Variants in PHIP observed in about 807,000 individuals in gnomAD.
The protein encoded by PHIP is PH-interacting protein.
A neutral mutation model predicts 236.8 loss-of-function variants in PHIP; 54 were observed. That is an observed-to-expected ratio of 0.23 (90% CI 0.18 to 0.29). The LOEUF (loss-of-function observed/expected upper bound fraction) is 0.29. Ranked by LOEUF, PHIP falls within the 10% of genes least tolerant of loss-of-function variation. The pLI, the probability that PHIP is intolerant of heterozygous loss-of-function variation, is 1.00. For synonymous variants in PHIP, 756 were observed against 718.9 expected (o/e 1.05, Z -0.83); for missense variants, 1,370 against 2,190.8 (o/e 0.63, Z 7.48).
rs1193927292 is a variant in PHIP at position 78,935,557 on chromosome 6, A to T, written c.*5136T>A. 2 of 966,118 alleles carry T rather than the reference A, an allele frequency of 2.1e-6. No individual in the cohort carries two copies. The highest frequency in any genetic ancestry group is 2.5e-6 in the Non-Finnish European group (2 of 812,496). The allele number at this position is 966,118 out of a possible 1,614,324, so 59.8% of individuals were successfully genotyped here. A position where few individuals can be genotyped will look rare whatever the true frequency, so the allele number is the denominator to read the frequency against. ...AATAGTGAAGTATTTATCACTCATCACAGTAACTTACGGTAAGAAATCAAT... is the reference window on the plus strand; with the variant it reads ...AATAGTGAAGTATTTATCACTCATCTCAGTAACTTACGGTAAGAAATCAAT... On this transcript the variant is annotated 3_prime_UTR_variant, in exon 40 of 40. Transcript: ENST00000275034.
chr6:79,077,515 GA>G lies in PHIP; in HGVS notation c.130-9del, dbSNP rs1250703744. The G allele has an allele frequency of 6.5e-7, 1 of 1,536,614 alleles. No homozygotes were observed. The highest frequency in any genetic ancestry group is 1.4e-5 in the African/African-American group (1 of 69,582). Reference sequence around the variant, plus strand: ...GGTGCGCCGGGGCAGCAGCTGCGGGGAGAGGACACCCCGTGAGCCCGGCCCC... The same window carrying G: ...GGTGCGCCGGGGCAGCAGCTGCGGGGGAGGACACCCCGTGAGCCCGGCCCC... On this transcript the variant is annotated splice_polypyrimidine_tract_variant and intron_variant, in intron 3 of 39. Coordinates refer to ENST00000275034, the MANE Select transcript of PHIP (RefSeq NM_017934.7).
At position 78,947,230 on chromosome 6, in the gene PHIP, C is replaced by T. The variant is rs141825110; in HGVS notation, c.4207-356G>A. On this transcript the variant is annotated intron_variant, in intron 36 of 39. Transcript: ENST00000275034. ...GACTAGCATCTATTCTTTCTCATTTCGTTGCTATATAGCACTCCTTTGTGA... is the reference window on the plus strand; with the variant it reads ...GACTAGCATCTATTCTTTCTCATTTTGTTGCTATATAGCACTCCTTTGTGA... 6.6e-4 allele frequency among the ~76,000 whole-genome samples: 101 copies of T among 152,240 alleles called. 1 individual carries two copies. In the South Asian group the frequency reaches 7.9e-3, roughly 12 times the overall value.
Position 78,958,551 on chromosome 6 carries a change from G to A in PHIP, c.3706C>T (p.Arg1236Ter), listed in dbSNP as rs1554196416. The change falls in exon 32 of 40, where the codon CGA becomes TGA. Residue 1236 changes from arginine (R) to a stop codon, truncating the protein, a stop_gained. Coordinates refer to ENST00000275034, the MANE Select transcript of PHIP (RefSeq NM_017934.7). LOFTEE classifies it high-confidence loss of function. ...GGGCTTCCAGGCTCATTAAATGTTC[G>A]TGTATTATGCTCTATATATCGAACT... ...WEVRYIEHNT[R>*]TFNEPGSPIV... is the part of the protein sequence containing the mutation. The A allele has an allele frequency of 2.5e-6, 4 of 1,577,492 alleles. No homozygotes were observed. The highest frequency in any genetic ancestry group is 3.5e-6 in the Non-Finnish European group (4 of 1,147,414).
intron 4 of PHIP, among the ~76,000 whole-genome samples, chr6:79,075,977 G>A (rs538236135): frequency 2.6e-4 from 40 of 152,270 alleles, no homozygotes; most frequent in Non-Finnish European, 4.0e-4. Context: ...AGTAAATCTT[G>A]GAGTTTACTT....
intron 17 of PHIP, among the ~76,000 whole-genome samples, chr6:79,000,934 T>C (rs1370485559): frequency 6.6e-6 from 1 of 152,012 alleles, no homozygotes; most frequent in African/African-American, 2.4e-5. Context: ...AGGAGCCCCT[T>C]CTATCCAGTA....
In PHIP at chr6:78,938,897, T is replaced by C. The variant is rs1043117189; in HGVS notation, c.*1796A>G. On this transcript the variant is annotated 3_prime_UTR_variant, in exon 40 of 40. Coordinates refer to ENST00000275034, the MANE Select transcript of PHIP (RefSeq NM_017934.7). ...ACAGTTAAATGACAGCTAATATTTA[T>C]CCTTATCAGAAATAATTATGTAATG... 6.6e-6 allele frequency: 1 copy of C among 151,674 alleles called. No individual in the cohort carries two copies. Among genetic ancestry groups the C allele is most frequent in the African/African-American group, 2.4e-5 (1 of 41,416 alleles). The allele number at this position is 151,674 out of a possible 1,614,324, so 9.4% of individuals were successfully genotyped here. A position where few individuals can be genotyped will look rare whatever the true frequency, so the allele number is the denominator to read the frequency against.
chr6:78,942,854 C>G (rs1159228785), intron 39 of PHIP, among the ~76,000 whole-genome samples: 2 of 152,054 alleles, frequency 1.3e-5, no homozygotes, highest in Non-Finnish European at 2.9e-5. Flanking sequence ...GAGACAGGGA[C>G]TATAGGACTC....
At chr6:78,975,150 C>A (rs1582146707) in intron 24 of PHIP, among the ~76,000 whole-genome samples, 1 of 151,768 alleles carries the variant, frequency 6.6e-6, no homozygotes, top group South Asian at 2.1e-4. Context: ...CCGAATCCAG[C>A]AGCACATCAA....
At chr6:79,063,379 T>C (rs1386908830) in intron 4 of PHIP, among the ~76,000 whole-genome samples, 1 of 152,218 alleles carries the variant, frequency 6.6e-6, no homozygotes, top group African/African-American at 2.4e-5. Context: ...CAGTAAAATT[T>C]TTTTACATGG....
chr6:79,049,922 T>G (rs1042706012), intron 6 of PHIP, among the ~76,000 whole-genome samples: 3 of 152,102 alleles, frequency 2.0e-5, no homozygotes, highest in Admixed American at 6.6e-5. Context: ...ACTTGAAATG[T>G]TGCTCATTTT....
intron 24 of PHIP, among the ~76,000 whole-genome samples, chr6:78,977,684 T>C (rs1222925177): frequency 6.6e-6 from 1 of 152,158 alleles, no homozygotes; most frequent in Non-Finnish European, 1.5e-5. Flanking sequence ...GTTGAAATAA[T>C]GTATTAAATA....
At chr6:78,970,268 T>C in intron 25 of PHIP, 95 bp from the exon 26 acceptor site, 1 of 1,040,480 alleles carries the variant, frequency 9.6e-7, no homozygotes. Context: ...TTGGTTTAAA[T>C]CTTGATCTGG....
intron 6 of PHIP, among the ~76,000 whole-genome samples, chr6:79,051,140 C>T (rs373179427): frequency 1.4e-4 from 21 of 152,262 alleles, no homozygotes; most frequent in African/African-American, 5.1e-4. Flanking sequence ...CAACCAAATA[C>T]TCATAATTCG....
At chr6:79,032,029 G>C (rs1391772831) in intron 7 of PHIP, among the ~76,000 whole-genome samples, 2 of 152,092 alleles carry the variant, frequency 1.3e-5, no homozygotes, top group East Asian at 3.8e-4. Context: ...CAAATTTTTT[G>C]GTTTCCAAGT....
chr6:78,998,664 A>C (rs1769782939), intron 17 of PHIP, among the ~76,000 whole-genome samples: 1 of 152,202 alleles, frequency 6.6e-6, no homozygotes, highest in Non-Finnish European at 1.5e-5. Context: ...TAACTCCATT[A>C]GGTATGTATA....
intron 6 of PHIP, among the ~76,000 whole-genome samples, chr6:79,047,231 A>G (rs1053944476): frequency 6.6e-6 from 1 of 152,116 alleles, no homozygotes; most frequent in Non-Finnish European, 1.5e-5. Flanking sequence ...AAGGCCCACA[A>G]CTTCTTAAAC....
intron 6 of PHIP, among the ~76,000 whole-genome samples, chr6:79,053,809 G>A (rs147850466): frequency 5.9e-4 from 90 of 152,226 alleles, no homozygotes; most frequent in Non-Finnish European, 7.9e-4. Context: ...AAGGGAAAAT[G>A]GCTAGTGATT....
chr6:79,025,952 T>G lies in PHIP; in HGVS notation c.813A>C (p.Thr271=). 6.3e-7 allele frequency: 1 copy of G among 1,597,136 alleles called. No individual in the cohort carries two copies. The highest frequency in any genetic ancestry group is 8.6e-7 in the Non-Finnish European group (1 of 1,165,038). Residue 271 remains threonine, a synonymous_variant, in exon 8 of 40, where the codon ACA becomes ACC. Transcript: ENST00000275034. ...AVLQGHSASI[T]SLQFSPLCSG... ...GGATTAAGACAATTACCTGTAGTGA[T>G]GTAATAGATGCACTATGGCCCTGAA... is the stretch of plus-strand genomic sequence containing the variant.
chr6:79,006,038 T>C (rs1354488093), intron 15 of PHIP, among the ~76,000 whole-genome samples: 1 of 152,034 alleles, frequency 6.6e-6, no homozygotes, highest in Non-Finnish European at 1.5e-5. Flanking sequence ...TTAATTTTCT[T>C]GGTATAAGGC....
Sources: gnomAD v4.1 joint callset for allele counts (sites outside exome capture counted in the v4.1 genomes callset) on GRCh38, gnomAD v4.1.1 for gene constraint, MANE v1.5 for transcripts, NCBI Gene and HGNC (gene_info 2026-07-23, HGNC 2026-07-21) for gene names.